Variants in WDFY3 observed in about 807,000 individuals in gnomAD.
WDFY3 encodes WD repeat and FYVE domain containing 3, also known as WD repeat and FYVE domain-containing protein 3.
In WDFY3, 66 loss-of-function variants were observed where a neutral mutation model predicts 409.6. The observed-to-expected ratio is 0.16, with a 90% confidence interval of 0.13 to 0.20. WDFY3 has a LOEUF of 0.20. Among genes scored for constraint, WDFY3 ranks in the 10% least tolerant of loss-of-function variants. WDFY3 has a pLI of 1.00. For synonymous variants in WDFY3, 1,521 were observed against 1,537.1 expected (o/e 0.99, Z 0.25); for missense variants, 3,031 against 4,298.1 (o/e 0.71, Z 8.24).
At chr4:84,683,541 G>A (rs1319227303) in intron 63 of WDFY3, among the ~76,000 whole-genome samples, 1 of 152,158 alleles carries the variant, frequency 6.6e-6, no homozygotes, top group Non-Finnish European at 1.5e-5. Flanking sequence ...GGGGATCCTC[G>A]AAGTGTTTTC....
intron 30 of WDFY3, among the ~76,000 whole-genome samples, chr4:84,769,759 G>A (rs11730137): frequency 0.18 from 27,090 of 152,008 alleles, 4,231 homozygotes; most frequent in African/African-American, 0.42. Context: ...ATAATTGTAT[G>A]CATTCATGGG....
chr4:84,964,011 ATTCT>A (rs1210129261), intron 1 of WDFY3, among the ~76,000 whole-genome samples: 3 of 152,232 alleles, frequency 2.0e-5, no homozygotes. Context: ...TGGAATATGT[ATTCT>A]TTAATTTTAT....
At chr4:84,695,493 CAGAGACAGAG>C (rs1174189904) in intron 58 of WDFY3, among the ~76,000 whole-genome samples, 1 of 119,828 alleles carries the variant, frequency 8.3e-6, no homozygotes, top group Non-Finnish European at 1.7e-5. Flanking sequence ...CACACACACA[CAGAGACAGAG>C]AGAGATAGAG....
At chr4:84,898,194 TAGAC>T (rs1765888040) in intron 2 of WDFY3, among the ~76,000 whole-genome samples, 1 of 152,316 alleles carries the variant, frequency 6.6e-6, no homozygotes, top group Non-Finnish European at 1.5e-5. Flanking sequence ...ACTACTGTAT[TAGAC>T]AGAGCCAATA....
intron 1 of WDFY3, among the ~76,000 whole-genome samples, chr4:84,950,704 C>T (rs1212523210): frequency 1.3e-5 from 2 of 152,118 alleles, no homozygotes; most frequent in Non-Finnish European, 1.5e-5. Flanking sequence ...GCAGGAGAAT[C>T]GTTTGAACCC....
intron 1 of WDFY3, among the ~76,000 whole-genome samples, chr4:84,948,485 C>T (rs571119762): frequency 6.6e-6 from 1 of 152,188 alleles, no homozygotes; most frequent in Non-Finnish European, 1.5e-5. Context: ...CCTGTCTCTG[C>T]TCTCCAAGTG....
At chr4:84,847,771 CCCAAAAAAAAAAAAAAA>C (rs1232751044) in intron 5 of WDFY3, among the ~76,000 whole-genome samples, 3 of 129,274 alleles carry the variant, frequency 2.3e-5, no homozygotes, top group African/African-American at 5.9e-5. Flanking sequence ...AAGACTCCGT[CCCAAAAAAAAAAAAAAA>C]CCAAAAAAAA....
intron 7 of WDFY3, among the ~76,000 whole-genome samples, chr4:84,831,896 A>G (rs1755792947): frequency 6.6e-6 from 1 of 152,194 alleles, no homozygotes. Flanking sequence ...GTGAGAATGT[A>G]AATTAGTACA....
At chr4:84,690,395 G>A in intron 61 of WDFY3, 111 bp downstream of exon 61, 2 of 1,464,036 alleles carry the variant, frequency 1.4e-6, no homozygotes, top group Non-Finnish European at 1.9e-6. Flanking sequence ...CTTTGGTTTT[G>A]TCCATTAGAT....
intron 45 of WDFY3, among the ~76,000 whole-genome samples, chr4:84,725,873 C>T (rs1735575217): frequency 6.6e-6 from 1 of 151,962 alleles, no homozygotes; most frequent in African/African-American, 2.4e-5. Context: ...TAAGTCAAGC[C>T]ACATTAACCT....
intron 37 of WDFY3, among the ~76,000 whole-genome samples, chr4:84,742,962 T>C (rs1407431693): frequency 6.6e-6 from 1 of 152,172 alleles, no homozygotes; most frequent in African/African-American, 2.4e-5. Flanking sequence ...CTTTGTGTAG[T>C]ATGACTGCTC....
At chr4:84,895,614 A>T (rs940767176) in intron 3 of WDFY3, among the ~76,000 whole-genome samples, 10 of 152,214 alleles carry the variant, frequency 6.6e-5, no homozygotes, top group African/African-American at 2.2e-4. Flanking sequence ...GACTAACAAT[A>T]AACTGTTAAG....
chr4:84,824,749 A>G (rs1754606408), intron 10 of WDFY3, among the ~76,000 whole-genome samples: 1 of 152,180 alleles, frequency 6.6e-6, no homozygotes, highest in Admixed American at 6.6e-5. Flanking sequence ...CACAATTTAC[A>G]CCTCAATACT....
chr4:84,929,476 C>G (rs1391744178), intron 2 of WDFY3, among the ~76,000 whole-genome samples: 2 of 151,192 alleles, frequency 1.3e-5, no homozygotes, highest in Non-Finnish European at 2.9e-5. Context: ...TGCGCCCCCC[C>G]CCCCAAATTC....
rs6850757 is a variant in WDFY3 at position 84,964,333 on chromosome 4, G to A, written c.-226+1876C>T. ...AAAATAGAAAAATTAGACAGGCATG[G>A]TGGCATGCACATGTAGTCCTAACTT... On this transcript the variant is annotated intron_variant, in intron 1 of 67. Coordinates refer to ENST00000295888, the MANE Select transcript of WDFY3 (RefSeq NM_014991.6). Among the ~76,000 whole-genome samples the A allele has an allele frequency of 6.6e-3, 1,007 of 152,284 alleles. 18 individuals carry two copies. The highest frequency in any genetic ancestry group is 0.023 in the African/African-American group (951 of 41,550).
intron 15 of WDFY3, 117 bp downstream of exon 15, chr4:84,808,217 A>G: frequency 1.1e-6 from 1 of 905,764 alleles, no homozygotes; most frequent in Non-Finnish European, 1.7e-6. Context: ...AAACAAAACA[A>G]AACAAAACAA....
intron 44 of WDFY3, among the ~76,000 whole-genome samples, chr4:84,730,926 T>C (rs1371246339): frequency 6.6e-6 from 1 of 151,960 alleles, no homozygotes; most frequent in Non-Finnish European, 1.5e-5. Context: ...GCCTCCCGAG[T>C]AGCTGGGATT....
intron 2 of WDFY3, among the ~76,000 whole-genome samples, chr4:84,898,447 G>A (rs2150585100): frequency 6.6e-6 from 1 of 152,222 alleles, no homozygotes; most frequent in East Asian, 1.9e-4. Flanking sequence ...TCCCCAAATA[G>A]TTACCTCTTT....
Position 84,866,639 on chromosome 4 carries a change from A to G in WDFY3, c.-31-6017T>C, listed in dbSNP as rs1459101561. Among the ~76,000 whole-genome samples, 3 of 152,230 alleles carry G rather than the reference A, an allele frequency of 2.0e-5. No homozygotes were observed. The East Asian group carries it at 5.8e-4, about 29-fold the overall frequency. ...TTCATCCAGATAAGGGGTAGCTGAT[A>G]GGGACCTCAAAAGGAACACTTAAAA... On this transcript the variant is annotated intron_variant, in intron 3 of 67. Transcript: ENST00000295888.
Sources: gnomAD v4.1 joint callset for allele counts (sites outside exome capture counted in the v4.1 genomes callset) on GRCh38, gnomAD v4.1.1 for gene constraint, MANE v1.5 for transcripts, NCBI Gene and HGNC (gene_info 2026-07-23, HGNC 2026-07-21) for gene names.